The following WNK2 variants were observed in gnomAD, a reference collection of about 807,000 sequenced individuals.
WNK2 encodes the protein serine/threonine-protein kinase WNK2.
WNK2 carries 67 observed loss-of-function variants against 192.1 expected under a neutral mutation model. That is an observed-to-expected ratio of 0.35 (90% CI 0.29 to 0.43). The LOEUF (loss-of-function observed/expected upper bound fraction) is 0.43. Ranked by LOEUF, WNK2 falls within the 20% of genes least tolerant of loss-of-function variation. The pLI, the probability that WNK2 is intolerant of heterozygous loss-of-function variation, is 1.00. For synonymous variants in WNK2, 1,439 were observed against 1,393.9 expected, an observed-to-expected ratio of 1.03 and a Z score of -0.72; for missense variants, 2,698 against 3,089.7, an observed-to-expected ratio of 0.87 and a Z score of 3.01.
intron 28 of WNK2, chr9:93,309,161 A>G (rs1026938672): frequency 3.1e-6 from 3 of 980,054 alleles, no homozygotes; most frequent in Non-Finnish European, 3.6e-6. Context: ...TGTTATTTCT[A>G]TCTCAAATAT....
In WNK2 at chr9:93,239,981, G is replaced by A; in HGVS notation, c.1542+5G>A. On this transcript the variant is annotated splice_donor_5th_base_variant and intron_variant, in intron 7 of 29. Transcript: ENST00000427277. The surrounding 1 kb of genome is among the most constrained non-coding windows in gnomAD (Gnocchi z 4.2). Reference sequence around the variant, plus strand: ...GATGAGGTGGCCCAAGAGATGGTAAGCAGGACTCAGATGGGGTGAGGTGGG... The same window carrying A: ...GATGAGGTGGCCCAAGAGATGGTAAACAGGACTCAGATGGGGTGAGGTGGG... 1 of 1,607,680 alleles carries A rather than the reference G, an allele frequency of 6.2e-7. No homozygotes were observed. The highest frequency in any genetic ancestry group is 8.5e-7 in the Non-Finnish European group (1 of 1,177,154).
intron 2 of WNK2, among the ~76,000 whole-genome samples, chr9:93,217,724 T>G (rs1836005718): frequency 6.6e-6 from 1 of 152,222 alleles, no homozygotes; most frequent in African/African-American, 2.4e-5. Flanking sequence ...CATTCCTGGC[T>G]TAGAGGGACA....
chr9:93,221,704 G>A (rs7873162), intron 2 of WNK2, among the ~76,000 whole-genome samples: 23,624 of 152,178 alleles, frequency 0.16, 1,908 homozygotes, highest in South Asian at 0.28. Context: ...TACGTTCGCA[G>A]GAAACTAAGG....
chr9:93,213,913 G>C (rs999385395), intron 2 of WNK2, among the ~76,000 whole-genome samples: 25 of 152,184 alleles, frequency 1.6e-4, no homozygotes, highest in African/African-American at 4.8e-4. Context: ...AGCATCTTAA[G>C]ACATTTGAAC....
Position 93,247,092 on chromosome 9 carries a change from CCATCTGCAACTCGGGTGTG to C in WNK2, c.1543-450_1543-432del, listed in dbSNP as rs1841850415. Reference sequence around the variant, plus strand: ...TAATTACAAAACGCATGTCCTTCCTCCATCTGCAACTCGGGTGTGGCCCCGTTCCCCATCTTTGGGCAGC... The same window carrying C: ...TAATTACAAAACGCATGTCCTTCCTCGCCCCGTTCCCCATCTTTGGGCAGC... On this transcript the variant is annotated intron_variant, in intron 7 of 29. Coordinates refer to ENST00000427277, the MANE Select transcript of WNK2 (RefSeq NM_006648.4). This position sits in a 1 kb window ranked among gnomAD's most constrained non-coding sequence, Gnocchi z 5.2. 6.6e-6 allele frequency among the ~76,000 whole-genome samples: 1 copy of C among 152,234 alleles called. No individual in the cohort carries two copies. The highest frequency in any genetic ancestry group is 6.5e-5 in the Admixed American group (1 of 15,284).
At chr9:93,284,676 C>T (rs1229930041) in intron 19 of WNK2, among the ~76,000 whole-genome samples, 1 of 152,120 alleles carries the variant, frequency 6.6e-6, no homozygotes, top group Non-Finnish European at 1.5e-5. Context: ...AGCAGTGGGA[C>T]TGAAGAAGCT....
intron 2 of WNK2, among the ~76,000 whole-genome samples, chr9:93,192,174 C>T (rs10821087): frequency 0.29 from 43,652 of 150,954 alleles, 6,421 homozygotes; most frequent in Middle Eastern, 0.35. Flanking sequence ...ATTAGCTGGG[C>T]GTGGTGGCAG....
intron 5 of WNK2, among the ~76,000 whole-genome samples, chr9:93,237,043 T>C (rs1158403476): frequency 6.6e-6 from 1 of 152,076 alleles, no homozygotes; most frequent in Admixed American, 6.5e-5. Context: ...GGGGTGATGG[T>C]GGCTTTGACA....
At position 93,185,443 on chromosome 9, in the gene WNK2, G is replaced by A. The variant is rs777062742; in HGVS notation, c.514G>A (p.Glu172Lys). The part of the protein sequence containing the change: ...KPEPGRTRRD[E>K]PEEEEDDEDD... ...TGAGCCCGGGCGCACTCGCCGGGAC[G>A]AGCCCGAAGAGGAGGAGGACGACGA... The change falls in exon 2 of 30, where the codon GAG becomes AAG. Residue 172 changes from glutamate (E) to lysine (K), a missense_variant. By Grantham distance (56) the Glu-to-Lys change is moderately conservative. Coordinates refer to ENST00000427277, the MANE Select transcript of WNK2 (RefSeq NM_006648.4). 1 of 1,612,236 alleles carries A rather than the reference G, an allele frequency of 6.2e-7. No homozygotes were observed. The highest frequency in any genetic ancestry group is 1.1e-5 in the South Asian group (1 of 91,016).
chr9:93,284,243 A>G (rs925878213), intron 19 of WNK2, among the ~76,000 whole-genome samples: 46 of 152,356 alleles, frequency 3.0e-4, no homozygotes, highest in Admixed American at 1.3e-4. Context: ...GACTGAGAAC[A>G]TTATAAAATA....
Position 93,292,754 on chromosome 9 carries a change from C to T in WNK2, c.5289C>T (p.His1763=), listed in dbSNP as rs1385538130. Residue 1763 remains histidine, a synonymous_variant, in exon 23 of 30, where the codon CAC becomes CAT. Transcript: ENST00000427277. ...ACGAGTGGACCCTGGCCTCCCCCCA[C>T]AGCCTGAGATACTCTGCCCCACCCG... The part of the protein sequence containing the change: ...TQDEWTLASP[H]SLRYSAPPDV... 1 of 1,563,368 alleles carries T rather than the reference C, an allele frequency of 6.4e-7. No individual in the cohort carries two copies. The highest frequency in any genetic ancestry group is 1.4e-5 in the African/African-American group (1 of 73,328).
chr9:93,186,794 C>G (rs1461797102), intron 2 of WNK2, among the ~76,000 whole-genome samples: 1 of 152,216 alleles, frequency 6.6e-6, no homozygotes, highest in African/African-American at 2.4e-5. Context: ...CTCCAGAGAC[C>G]TGCCTCTCCA....
intron 21 of WNK2, among the ~76,000 whole-genome samples, chr9:93,290,858 A>G (rs1849238058): frequency 6.6e-6 from 1 of 152,262 alleles, no homozygotes; most frequent in East Asian, 1.9e-4. Context: ...CATTATCTGC[A>G]TGCCTCAGTG....
At chr9:93,189,340 T>A (rs10821084) in intron 2 of WNK2, among the ~76,000 whole-genome samples, 22,144 of 152,158 alleles carry the variant, frequency 0.15, 2,248 homozygotes, top group East Asian at 0.51. Flanking sequence ...GTCTTTCTAC[T>A]TCATAGAGAC....
chr9:93,318,800 G>A (rs1855167966), intron 29 of WNK2: 59 of 1,410,370 alleles, frequency 4.2e-5, no homozygotes, highest in Non-Finnish European at 5.2e-5. Context: ...AGTGGGACTC[G>A]TCCCCAGTGG....
chr9:93,233,675 C>T (rs1036123760), intron 4 of WNK2, among the ~76,000 whole-genome samples: 26 of 131,202 alleles, frequency 2.0e-4, no homozygotes, highest in African/African-American at 7.3e-4. Flanking sequence ...GCACTCCAGC[C>T]TGGGGGACAG....
intron 2 of WNK2, among the ~76,000 whole-genome samples, chr9:93,188,751 C>T (rs2130915778): frequency 6.6e-6 from 1 of 152,300 alleles, no homozygotes; most frequent in African/African-American, 2.4e-5. Context: ...CTGCCACCTG[C>T]CATAGCCGGC....
chr9:93,295,935 TCCA>T (rs745566160), intron 23 of WNK2, among the ~76,000 whole-genome samples: 4 of 90,910 alleles, frequency 4.4e-5, no homozygotes, highest in Non-Finnish European at 8.5e-5. Flanking sequence ...TCCTCCCCTC[TCCA>T]CCCTCAACTC....
chr9:93,253,933 T>C (rs947843775), intron 9 of WNK2, among the ~76,000 whole-genome samples: 1 of 152,186 alleles, frequency 6.6e-6, no homozygotes, highest in African/African-American at 2.4e-5. Flanking sequence ...ATTTGTTTAT[T>C]TGAGATGGAG....
Sources: allele counts gnomAD v4.1 joint callset (sites outside exome capture counted in the v4.1 genomes callset), GRCh38; gene constraint gnomAD v4.1.1; non-coding constraint Gnocchi (gnomAD v3.1); transcripts MANE v1.5; gene names NCBI Gene and HGNC (gene_info 2026-07-23, HGNC 2026-07-21).